TGM6: variants seen among roughly 807,000 people sequenced by gnomAD.
TGM6 encodes the protein protein-glutamine gamma-glutamyltransferase 6.
TGM6 carries 74 observed loss-of-function variants against 77.5 expected under a neutral mutation model. The observed-to-expected ratio is 0.96, with a 90% confidence interval of 0.79 to 1.16. The LOEUF is 1.16. Among genes scored for constraint, TGM6 ranks in the 50% most tolerant of loss-of-function variants. TGM6 has a pLI of 0.00. For synonymous variants in TGM6, 383 were observed against 378.9 expected (o/e 1.01, Z -0.12); for missense variants, 968 against 940.2 (o/e 1.03, Z -0.39).
intron 1 of TGM6, among the ~76,000 whole-genome samples, chr20:2,388,619 A>G (rs1415929643): frequency 1.6e-5 from 1 of 62,786 alleles, no homozygotes; most frequent in Non-Finnish European, 3.7e-5. Context: ...TTAAAAACAA[A>G]CAAACAAACA....
intron 1 of TGM6, among the ~76,000 whole-genome samples, chr20:2,393,977 G>T (rs2122343898): frequency 6.6e-6 from 1 of 152,188 alleles, no homozygotes; most frequent in African/African-American, 2.4e-5. Context: ...TTCAACCTTT[G>T]CAGTGATTTT....
At chr20:2,422,024 C>T (rs886210136) in intron 10 of TGM6, among the ~76,000 whole-genome samples, 18 of 151,938 alleles carry the variant, frequency 1.2e-4, no homozygotes, top group African/African-American at 4.1e-4. Context: ...CCCAGCTACT[C>T]GGGAGGCTGA....
chr20:2,398,101 C>T (rs1310263414), intron 5 of TGM6, 55 bp downstream of exon 5: 1 of 1,613,798 alleles, frequency 6.2e-7, no homozygotes, highest in East Asian at 2.2e-5. Context: ...CCCCAGCCAA[C>T]CCCGGGGCCA....
chr20:2,426,048 A>C (rs2084885668), intron 10 of TGM6, among the ~76,000 whole-genome samples: 1 of 152,232 alleles, frequency 6.6e-6, no homozygotes, highest in Non-Finnish European at 1.5e-5. Context: ...CAATATCCAC[A>C]AAATAACTTC....
At chr20:2,398,112 C>T (rs2084681765) in intron 5 of TGM6, 66 bp downstream of exon 5, 2 of 1,612,898 alleles carry the variant, frequency 1.2e-6, no homozygotes, top group Non-Finnish European at 8.5e-7. Flanking sequence ...CCCGGGGCCA[C>T]AACCTGTGAT....
At chr20:2,423,931 A>G (rs1471221709) in intron 10 of TGM6, among the ~76,000 whole-genome samples, 1 of 152,228 alleles carries the variant, frequency 6.6e-6, no homozygotes, top group East Asian at 1.9e-4. Context: ...GACTAGGTGC[A>G]TTGTCAATGA....
intron 10 of TGM6, among the ~76,000 whole-genome samples, chr20:2,420,376 A>G (rs1044768669): frequency 3.3e-5 from 5 of 152,156 alleles, no homozygotes; most frequent in African/African-American, 7.2e-5. Flanking sequence ...AAGTACAGAG[A>G]GTTCCCATAC....
intron 9 of TGM6, 94 bp from the exon 10 acceptor site, chr20:2,417,138 A>T: frequency 8.8e-7 from 1 of 1,140,262 alleles, no homozygotes; most frequent in Non-Finnish European, 1.3e-6. Flanking sequence ...CGGTGTGCAT[A>T]TGGCTCTTGA....
At chr20:2,397,002 C>A (rs1336240646) in intron 4 of TGM6, among the ~76,000 whole-genome samples, 1 of 152,154 alleles carries the variant, frequency 6.6e-6, no homozygotes, top group East Asian at 1.9e-4. Context: ...GCGTTTCTAA[C>A]CAGTTCCCAG....
Position 2,400,329 on chromosome 20 carries a change from A to G in TGM6, c.874A>G (p.Thr292Ala). 2 of 1,614,216 alleles carry G rather than the reference A, an allele frequency of 1.2e-6. No homozygotes were observed. The highest frequency in any genetic ancestry group is 1.7e-6 in the Non-Finnish European group (2 of 1,180,042). The change falls in exon 7 of 13, where the codon ACA (threonine) becomes GCA (alanine). Residue 292 changes from threonine (T) to alanine (A), a missense_variant. Physicochemically the swap from Thr to Ala is moderately conservative, Grantham distance 58 (BLOSUM62 0). Coordinates refer to ENST00000202625, the MANE Select transcript of TGM6 (RefSeq NM_198994.3). The stretch of plus-strand genomic sequence containing the variant: ...AGTCCTCAGGTGCTTGGGGATAGCC[A>G]CACGGGTCGTGTCCAACTTCAACTC... ...CTVLRCLGIATRVVSNFNSAH... is the reference protein window; with the variant it reads ...CTVLRCLGIAARVVSNFNSAH...
intron 9 of TGM6, among the ~76,000 whole-genome samples, chr20:2,404,228 T>A (rs1004280117): frequency 1.3e-5 from 2 of 152,190 alleles, no homozygotes; most frequent in Non-Finnish European, 2.9e-5. Context: ...AATAATAGCA[T>A]CTCCTGTTTA....
At chr20:2,395,045 C>T (rs965957554) in intron 2 of TGM6, 149 bp from the exon 3 acceptor site, 63 of 1,314,854 alleles carry the variant, frequency 4.8e-5, no homozygotes, top group Middle Eastern at 2.6e-4. Context: ...TGGCCACTGG[C>T]CTTCTTGCTC....
intron 1 of TGM6, among the ~76,000 whole-genome samples, chr20:2,391,768 A>T (rs552747114): frequency 2.6e-5 from 4 of 152,312 alleles, no homozygotes; most frequent in Admixed American, 2.6e-4. Context: ...TTTGCTTAAA[A>T]CAATATTTGG....
At chr20:2,421,948 A>G (rs945179423) in intron 10 of TGM6, among the ~76,000 whole-genome samples, 1 of 152,134 alleles carries the variant, frequency 6.6e-6, no homozygotes, top group East Asian at 1.9e-4. Context: ...CCTGGTCAAC[A>G]TGGTGAAACC....
chr20:2,409,519 C>T (rs2084771799), intron 9 of TGM6, among the ~76,000 whole-genome samples: 1 of 152,058 alleles, frequency 6.6e-6, no homozygotes, highest in Non-Finnish European at 1.5e-5. Flanking sequence ...CGAGACCAGC[C>T]TGGCCAACAT....
intron 10 of TGM6, among the ~76,000 whole-genome samples, chr20:2,430,151 C>T (rs1242823261): frequency 1.3e-5 from 2 of 151,994 alleles, no homozygotes; most frequent in South Asian, 4.2e-4. Context: ...AGCTTGGAAA[C>T]ATCTCTGGGG....
intron 1 of TGM6, among the ~76,000 whole-genome samples, chr20:2,386,530 G>A (rs571161080): frequency 1.3e-5 from 2 of 152,312 alleles, no homozygotes; most frequent in East Asian, 3.9e-4. Context: ...AGAAGAAAGA[G>A]CTTGGCTCAG....
intron 9 of TGM6, among the ~76,000 whole-genome samples, chr20:2,404,494 A>T (rs533145644): frequency 6.6e-6 from 1 of 152,286 alleles, no homozygotes; most frequent in African/African-American, 2.4e-5. Context: ...CTCAAACTTG[A>T]ATTAGACCCT....
chr20:2,417,934 CA>C (rs1431789887), intron 10 of TGM6, among the ~76,000 whole-genome samples: 2 of 151,840 alleles, frequency 1.3e-5, no homozygotes, highest in Non-Finnish European at 2.9e-5. Flanking sequence ...TTCTAAAATC[CA>C]AAAAAATCTG....
Sources: gnomAD v4.1 joint callset for allele counts (sites outside exome capture counted in the v4.1 genomes callset) on GRCh38, gnomAD v4.1.1 for gene constraint, MANE v1.5 for transcripts, NCBI Gene and HGNC (gene_info 2026-07-23, HGNC 2026-07-21) for gene names.